The following FBXW8 variants were observed in gnomAD, a reference collection of about 807,000 sequenced individuals.
FBXW8 encodes F-box and WD repeat domain containing 8.
A neutral mutation model predicts 65.3 loss-of-function variants in FBXW8; 57 were observed. That is an observed-to-expected ratio of 0.87 (90% CI 0.71 to 1.09). The LOEUF (loss-of-function observed/expected upper bound fraction) is 1.09. Among genes scored for constraint, FBXW8 ranks in the 50% least tolerant of loss-of-function variants. The pLI is 0.00. For synonymous variants in FBXW8, 308 were observed against 330.2 expected, an observed-to-expected ratio of 0.93 and a Z score of 0.73; for missense variants, 777 against 814.8, an observed-to-expected ratio of 0.95 and a Z score of 0.57.
rs1295453258 is a variant in FBXW8 at position 117,028,082 on chromosome 12, G to C, written c.1707G>C (p.Gln569His). 2 of 1,614,000 alleles carry C rather than the reference G, an allele frequency of 1.2e-6. No homozygotes were observed. Among genetic ancestry groups the C allele is most frequent in the Non-Finnish European group, 1.7e-6 (2 of 1,180,030 alleles). The stretch of plus-strand genomic sequence containing the variant: ...TTGCGGTGGACCAGCTGGCCTTCCA[G>C]AGCCCTCTCCCTGTCTGCCGTTCAT... Reference protein sequence around the residue: ...YEFAVDQLAFQSPLPVCRSSC... With the variant: ...YEFAVDQLAFHSPLPVCRSSC... The change falls in exon 11 of 11, where the codon CAG becomes CAC. Residue 569 changes from glutamine to histidine, a missense_variant. Physicochemically the swap from Gln to His is conservative, Grantham distance 24. Transcript: ENST00000652555. This position sits in a 1 kb window ranked among gnomAD's most constrained non-coding sequence, Gnocchi z 4.1.
Position 117,027,568 on chromosome 12 carries a change from C to A in FBXW8, c.1652+64C>A, listed in dbSNP as rs561598683. ...TTTGACTGATGTATAGAACCCCACC[C>A]CCCCCGCCGTGACACATTGCACCCT... On this transcript the variant is annotated intron_variant, in intron 10 of 10. Transcript: ENST00000652555. The A allele has an allele frequency of 1.8e-4, 222 of 1,259,812 alleles. 1 individual carries two copies. In the Admixed American group the frequency reaches 3.6e-3, roughly 21 times the overall value. 78.0% of individuals were successfully genotyped at this position (1,259,812 alleles called of 1,614,324 possible).
chr12:116,999,981 A>ATTTTT (rs71099027), intron 7 of FBXW8, among the ~76,000 whole-genome samples: 2 of 128,794 alleles, frequency 1.6e-5, no homozygotes, highest in Non-Finnish European at 3.2e-5. Flanking sequence ...TCTGCATCTC[A>ATTTTT]TTTTTTTTTT....
rs563233830 is a variant in FBXW8, at chr12:116,948,405, C to CTT, written c.589-1212_589-1211dup. On this transcript the variant is annotated intron_variant, in intron 3 of 10. Coordinates refer to ENST00000652555, the MANE Select transcript of FBXW8 (RefSeq NM_153348.3). Reference sequence around the variant, plus strand: ...GATGTGTCTAGTTTTATCTCTCAGCCTTAGACTCATTCCTTGGATTAAGTT... The same window carrying CTT: ...GATGTGTCTAGTTTTATCTCTCAGCCTTTTAGACTCATTCCTTGGATTAAGTT... 1.5e-4 allele frequency among the ~76,000 whole-genome samples: 23 copies of CTT among 152,288 alleles called. No individual in the cohort carries two copies. In the East Asian group the frequency reaches 4.4e-3, roughly 29 times the overall value.
intron 2 of FBXW8, among the ~76,000 whole-genome samples, chr12:116,932,320 C>T (rs531463241): frequency 2.6e-5 from 4 of 152,160 alleles, no homozygotes; most frequent in Non-Finnish European, 5.9e-5. Flanking sequence ...GCATTTTACA[C>T]AGGTGTTTAC....
intron 9 of FBXW8, among the ~76,000 whole-genome samples, chr12:117,025,213 C>T (rs1268667068): frequency 1.3e-5 from 2 of 152,210 alleles, no homozygotes; most frequent in Non-Finnish European, 2.9e-5. Flanking sequence ...CGGCCAGACA[C>T]GTGGCTCACC....
At chr12:117,016,412 T>C (rs1483327531) in intron 8 of FBXW8, among the ~76,000 whole-genome samples, 2 of 152,248 alleles carry the variant, frequency 1.3e-5, no homozygotes, top group African/African-American at 4.8e-5. Context: ...TGTTTGTATA[T>C]CTTCTCTGGA....
intron 7 of FBXW8, among the ~76,000 whole-genome samples, chr12:116,994,428 G>C (rs1197150946): frequency 2.6e-5 from 4 of 152,176 alleles, no homozygotes; most frequent in Non-Finnish European, 5.9e-5. Flanking sequence ...CCTAATTCAG[G>C]GATCAAAAGA....
chr12:116,971,710 T>C lies in FBXW8; in HGVS notation c.835+6856T>C, dbSNP rs75618906. On this transcript the variant is annotated intron_variant, in intron 5 of 10. Transcript: ENST00000652555. ...AGGAATTTTTTTAAATCTGTGCTTT[T>C]GTTTTTATGGTAATCTTAAAAAAAA... Among the ~76,000 whole-genome samples the C allele has an allele frequency of 2.3e-4, 35 of 152,322 alleles. No homozygotes were observed. In the East Asian group the frequency reaches 5.8e-3, roughly 25 times the overall value.
chr12:116,996,107 TTC>T (rs1403789813), intron 7 of FBXW8, among the ~76,000 whole-genome samples: 1 of 152,134 alleles, frequency 6.6e-6, no homozygotes, highest in Non-Finnish European at 1.5e-5. Context: ...CTTAGCATCA[TTC>T]TATGTATTTG....
chr12:117,027,516 G>C lies in FBXW8; in HGVS notation c.1652+12G>C, dbSNP rs1954261989. On this transcript the variant is annotated intron_variant, in intron 10 of 10. Coordinates refer to ENST00000652555, the MANE Select transcript of FBXW8 (RefSeq NM_153348.3). ...ACTACTCACAGGAGGTTAGTGGTGG[G>C]GCCGGGCGAGTAAGAGACCATCTTA... 1 of 1,603,452 alleles carries C rather than the reference G, an allele frequency of 6.2e-7. No individual in the cohort carries two copies. Among genetic ancestry groups the C allele is most frequent in the Non-Finnish European group, 8.5e-7 (1 of 1,170,384 alleles).
intron 2 of FBXW8, among the ~76,000 whole-genome samples, chr12:116,933,762 T>C (rs886882963): frequency 5.9e-5 from 9 of 152,232 alleles, no homozygotes; most frequent in African/African-American, 2.2e-4. Flanking sequence ...GTTTGTAGAA[T>C]TGGCTTTGTT....
chr12:116,937,593 G>T (rs984399133), intron 2 of FBXW8, among the ~76,000 whole-genome samples: 1 of 152,210 alleles, frequency 6.6e-6, no homozygotes, highest in Non-Finnish European at 1.5e-5. Context: ...TGACCATTGG[G>T]TTTTGCAAGT....
rs1180303915 is a variant in FBXW8 at position 117,029,233 on chromosome 12, A to AT, written c.*1062dup. 2 of 152,162 alleles carry AT rather than the reference A, an allele frequency of 1.3e-5. No individual in the cohort carries two copies. The highest frequency in any genetic ancestry group is 2.4e-5 in the African/African-American group (1 of 41,382). The allele number at this position is 152,162 out of a possible 1,614,324, so 9.4% of individuals were successfully genotyped here. A position where few individuals can be genotyped will look rare whatever the true frequency, so the allele number is the denominator to read the frequency against. ...CACACCATACAGGCCAAATTATAGA[A>AT]TCCCCCAACCCCAAGACACTGCACC... On this transcript the variant is annotated 3_prime_UTR_variant, in exon 11 of 11. Transcript: ENST00000652555.
At chr12:117,001,306 C>G (rs570918570) in intron 7 of FBXW8, among the ~76,000 whole-genome samples, 1 of 152,172 alleles carries the variant, frequency 6.6e-6, no homozygotes, top group Non-Finnish European at 1.5e-5. Flanking sequence ...TTCCCAGTCT[C>G]CCCCTGGGGC....
intron 7 of FBXW8, among the ~76,000 whole-genome samples, chr12:116,999,637 C>G (rs1215076469): frequency 1.3e-5 from 2 of 152,186 alleles, no homozygotes; most frequent in African/African-American, 2.4e-5. Context: ...CAGGTTTTCT[C>G]AGAGCACTGG....
chr12:117,005,613 G>T (rs1452338427), intron 7 of FBXW8, among the ~76,000 whole-genome samples: 1 of 152,252 alleles, frequency 6.6e-6, no homozygotes, highest in Non-Finnish European at 1.5e-5. Context: ...AGGTCAGGGT[G>T]ACCTTGTCGA....
At chr12:116,952,855 A>C (rs1281559324) in intron 4 of FBXW8, among the ~76,000 whole-genome samples, 3 of 152,144 alleles carry the variant, frequency 2.0e-5, no homozygotes, top group Non-Finnish European at 4.4e-5. Context: ...CTCCTGCTTC[A>C]GCCTCCCGAG....
chr12:116,965,006 T>G lies in FBXW8; in HGVS notation c.835+152T>G, dbSNP rs1376148905. 5.1e-6 allele frequency: 4 copies of G among 790,636 alleles called. No homozygotes were observed. In the African/African-American group the frequency reaches 7.1e-5, roughly 14 times the overall value. 49.0% of individuals were successfully genotyped at this position (790,636 alleles called of 1,614,324 possible). A position where few individuals can be genotyped will look rare whatever the true frequency, so the allele number is the denominator to read the frequency against. On this transcript the variant is annotated intron_variant, in intron 5 of 10. Coordinates refer to ENST00000652555, the MANE Select transcript of FBXW8 (RefSeq NM_153348.3). ...ACATACACTCACTCTTGCTTTTATT[T>G]GAAGAAGTTGGCCAACAACCGTCAA...
chr12:117,006,558 T>G (rs998664565), intron 7 of FBXW8, among the ~76,000 whole-genome samples: 1 of 152,200 alleles, frequency 6.6e-6, no homozygotes, highest in Non-Finnish European at 1.5e-5. Context: ...CTGTAGCTGG[T>G]GTCTCCTTCC....
Sources: gnomAD v4.1 joint callset for allele counts (sites outside exome capture counted in the v4.1 genomes callset) on GRCh38, gnomAD v4.1.1 for gene constraint, Gnocchi (gnomAD v3.1) non-coding constraint, MANE v1.5 for transcripts, NCBI Gene and HGNC (gene_info 2026-07-23, HGNC 2026-07-21) for gene names.